Variants in DPP4 observed in about 807,000 individuals in gnomAD.
DPP4 encodes ADCP-2.
In DPP4, 93 loss-of-function variants were observed where a neutral mutation model predicts 122.4. That is an observed-to-expected ratio of 0.76 (90% CI 0.64 to 0.90). The LOEUF (loss-of-function observed/expected upper bound fraction) is 0.90. Among genes scored for constraint, DPP4 ranks in the 40% least tolerant of loss-of-function variants. The probability of loss-of-function intolerance (pLI) is 0.00; values close to 1 mark genes in which losing one functional copy is unlikely to be tolerated. For missense variants in DPP4, 914 were observed against 907.3 expected (o/e 1.01, Z -0.09); for synonymous variants, 321 against 302.9 (o/e 1.06, Z -0.62).
intron 24 of DPP4, 116 bp downstream of exon 24, chr2:161,995,184 C>T: frequency 7.6e-7 from 1 of 1,316,194 alleles, no homozygotes; most frequent in Non-Finnish European, 1.1e-6. Context: ...TTGTGGAAAG[C>T]AACACTGTTT....
Position 162,074,077 on chromosome 2 carries a change from G to A in DPP4, c.-96C>T. The stretch of plus-strand genomic sequence containing the variant: ...CGCGCGTCCTGCACCGCTGCTCCGG[G>A]CGGTGGAGTCACTCGCCGCTGGCAA... On this transcript the variant is annotated 5_prime_UTR_variant, in exon 1 of 26. Coordinates refer to ENST00000360534, the MANE Select transcript of DPP4 (RefSeq NM_001935.4). 6.6e-7 allele frequency: 1 copy of A among 1,516,106 alleles called. No individual in the cohort carries two copies. Among genetic ancestry groups the A allele is most frequent in the Non-Finnish European group, 8.8e-7 (1 of 1,133,412 alleles). 93.9% of individuals were successfully genotyped at this position (1,516,106 alleles called of 1,614,324 possible).
chr2:162,018,235 G>A (rs992752026), intron 16 of DPP4, among the ~76,000 whole-genome samples: 2 of 152,182 alleles, frequency 1.3e-5, no homozygotes, highest in East Asian at 1.9e-4. Flanking sequence ...GGGATGGCTC[G>A]GGCGGCAGAG....
chr2:162,067,185 A>C (rs1197394380), intron 2 of DPP4, among the ~76,000 whole-genome samples: 1 of 152,226 alleles, frequency 6.6e-6, no homozygotes, highest in Non-Finnish European at 1.5e-5. Context: ...AATATAATAG[A>C]GAAATAAGAG....
rs1489257417 is a variant in DPP4, at chr2:162,028,071, AC to A, written c.888-3133del. On this transcript the variant is annotated intron_variant, in intron 10 of 25. Coordinates refer to ENST00000360534, the MANE Select transcript of DPP4 (RefSeq NM_001935.4). ...AAAGAATCATTTAAAAAAAAAAAAAACAAAAAACTGCCAGGTGCAGTGACTC... is the reference window on the plus strand; with the variant it reads ...AAAGAATCATTTAAAAAAAAAAAAAAAAAAAACTGCCAGGTGCAGTGACTC... Among the ~76,000 whole-genome samples, 1,156 of 148,792 alleles carry A rather than the reference AC, an allele frequency of 7.8e-3. 12 individuals carry two copies. The highest frequency in any genetic ancestry group is 0.016 in the African/African-American group (644 of 40,172).
intron 11 of DPP4, 48 bp downstream of exon 11, chr2:162,024,756 T>G: frequency 6.3e-7 from 1 of 1,598,998 alleles, no homozygotes; most frequent in Non-Finnish European, 8.5e-7. Context: ...GCACAGACCC[T>G]CTGATCACAT....
At chr2:162,008,490 A>G in intron 22 of DPP4, 72 bp downstream of exon 22, 3 of 1,290,080 alleles carry the variant, frequency 2.3e-6, no homozygotes, top group Admixed American at 3.4e-5. Flanking sequence ...AAACTCAGAA[A>G]GGAATGGCTT....
At chr2:162,008,411 C>A (rs895668769) in intron 22 of DPP4, 151 bp downstream of exon 22, 24 of 613,972 alleles carry the variant, frequency 3.9e-5, no homozygotes, top group Admixed American at 1.2e-4. Context: ...TAAATGAGAT[C>A]ATCTTATTAT....
At chr2:162,045,411 GTTT>G in intron 5 of DPP4, 118 bp downstream of exon 5, 1 of 708,902 alleles carries the variant, frequency 1.4e-6, no homozygotes, top group South Asian at 1.7e-5. Context: ...GAATTAATGA[GTTT>G]TAGTGCCTAT....
At chr2:162,050,200 G>A (rs1430578801) in intron 2 of DPP4, among the ~76,000 whole-genome samples, 5 of 152,162 alleles carry the variant, frequency 3.3e-5, no homozygotes, top group East Asian at 3.8e-4. Flanking sequence ...GTTAAAAAGT[G>A]AGTACTATTT....
chr2:162,021,248 C>G (rs1683116455), intron 12 of DPP4, among the ~76,000 whole-genome samples: 1 of 151,966 alleles, frequency 6.6e-6, no homozygotes, highest in African/African-American at 2.4e-5. Flanking sequence ...CATATGAAAA[C>G]ATTCATATAG....
chr2:162,044,062 C>A (rs909766577), intron 5 of DPP4, among the ~76,000 whole-genome samples: 1 of 152,068 alleles, frequency 6.6e-6, no homozygotes, highest in East Asian at 1.9e-4. Context: ...TCTGGCTTTA[C>A]CCCAGAAACC....
chr2:162,047,629 CA>C (rs1230827068), intron 2 of DPP4, 128 bp from the exon 3 acceptor site: 1 of 544,046 alleles, frequency 1.8e-6, no homozygotes, highest in African/African-American at 1.9e-5. Context: ...TCACAAAATG[CA>C]AGACACATTT....
At chr2:162,020,807 G>T in intron 12 of DPP4, 119 bp from the exon 13 acceptor site, 1 of 576,120 alleles carries the variant, frequency 1.7e-6, no homozygotes, top group Non-Finnish European at 2.9e-6. Flanking sequence ...CCATTTATAT[G>T]CCAAATTAAA....
At chr2:162,032,502 T>C (rs1245454986) in intron 10 of DPP4, among the ~76,000 whole-genome samples, 1 of 152,048 alleles carries the variant, frequency 6.6e-6, no homozygotes, top group Admixed American at 6.6e-5. Context: ...CTGACCAACA[T>C]GGTGAAACCT....
intron 2 of DPP4, among the ~76,000 whole-genome samples, chr2:162,051,159 A>G (rs890452109): frequency 6.6e-6 from 1 of 152,244 alleles, no homozygotes; most frequent in African/African-American, 2.4e-5. Flanking sequence ...TATTAGTTAA[A>G]AAAGGTAGAA....
intron 15 of DPP4, 110 bp downstream of exon 15, chr2:162,019,113 T>C (rs1683027196): frequency 9.8e-7 from 1 of 1,019,540 alleles, no homozygotes; most frequent in Non-Finnish European, 1.5e-6. Context: ...AAGTGCTCAA[T>C]AGCAATACCA....
At position 162,024,841 on chromosome 2, in the gene DPP4, T is replaced by C. The variant is rs1683262563; in HGVS notation, c.986A>G (p.Asp329Gly). ...CCATCTTCCACTGGATTCATCATAG[T>C]CACAAATATCCATGACCGAATAGTT... ...IQNYSVMDIC[D>G]YDESSGRWNC... is the part of the protein sequence containing the mutation. The change falls in exon 11 of 26, where the codon GAC becomes GGC. Residue 329 changes from aspartate (D) to glycine (G), a missense_variant. Transcript: ENST00000360534. 1.2e-6 allele frequency: 2 copies of C among 1,613,888 alleles called. No individual in the cohort carries two copies. The highest frequency in any genetic ancestry group is 4.5e-5 in the East Asian group (2 of 44,876).
rs756625527 is a variant in DPP4 at position 162,005,746 on chromosome 2, CTGTAA to C, written c.2046_2050del (p.His682GlnfsTer10). 6.2e-7 allele frequency: 1 copy of C among 1,612,532 alleles called. No individual in the cohort carries two copies. Among genetic ancestry groups the C allele is most frequent in the South Asian group, 1.1e-5 (1 of 90,942 alleles). ...TAGGTATAGGTCCTCATCTCTTACT[CTGTAA>C]TGGTCAAGGTTGTCTTCTGGAGTTG... On this transcript the variant is annotated frameshift_variant and splice_region_variant, in exon 23 of 26. Coordinates refer to ENST00000360534, the MANE Select transcript of DPP4 (RefSeq NM_001935.4). LOFTEE classifies it high-confidence loss of function.
chr2:162,058,042 G>A (rs935255796), intron 2 of DPP4, among the ~76,000 whole-genome samples: 2 of 152,100 alleles, frequency 1.3e-5, no homozygotes, highest in African/African-American at 2.4e-5. Context: ...CAAAGTGCTG[G>A]GATTACAGGC....
Sources: allele counts gnomAD v4.1 joint callset (sites outside exome capture counted in the v4.1 genomes callset), GRCh38; gene constraint gnomAD v4.1.1; transcripts MANE v1.5; gene names NCBI Gene and HGNC (gene_info 2026-07-23, HGNC 2026-07-21).